The following PLEKHA6 variants were observed in gnomAD, a reference collection of about 807,000 sequenced individuals.
PLEKHA6 encodes pleckstrin homology domain containing A6.
Under a neutral mutation model 116.7 loss-of-function variants are expected in PLEKHA6, and 60 were observed. The ratio of observed to expected loss-of-function variants is 0.51; its 90% CI spans 0.42 to 0.64. The LOEUF is 0.64. Among genes scored for constraint, PLEKHA6 ranks in the 30% least tolerant of loss-of-function variants. PLEKHA6 has a pLI of 0.00. For missense variants in PLEKHA6, 1,338 were observed against 1,422.7 expected, an observed-to-expected ratio of 0.94 and a Z score of 0.96; for synonymous variants, 489 against 556.1, an observed-to-expected ratio of 0.88 and a Z score of 1.70.
rs1659754258 is a variant in PLEKHA6, at chr1:204,222,463, C to G, written c.*325G>C. On this transcript the variant is annotated 3_prime_UTR_variant, in exon 23 of 23. Coordinates refer to ENST00000272203, the MANE Select transcript of PLEKHA6 (RefSeq NM_014935.5). ...TCCACTGGAGTCACCACAACCCCAG[C>G]CAGGGCAAGGCTGAGGCTCCCTGTG... The G allele has an allele frequency of 6.5e-6, 1 of 152,846 alleles. No homozygotes were observed. The highest frequency in any genetic ancestry group is 6.5e-5 in the Admixed American group (1 of 15,290). 9.5% of individuals were successfully genotyped at this position (152,846 alleles called of 1,614,324 possible). A position where few individuals can be genotyped will look rare whatever the true frequency, so the allele number is the denominator to read the frequency against.
rs751576580 is a variant in PLEKHA6, at chr1:204,228,074, C to G, written c.3031+9G>C. The G allele has an allele frequency of 6.2e-7, 1 of 1,610,782 alleles. No individual in the cohort carries two copies. On this transcript the variant is annotated intron_variant, in intron 21 of 22. Coordinates refer to ENST00000272203, the MANE Select transcript of PLEKHA6 (RefSeq NM_014935.5). The surrounding 1 kb of genome is among the most constrained non-coding windows in gnomAD (Gnocchi z 4.0). ...CTGGCAGGGTGGAGCGAGGCCCAGC[C>G]CCTCTCACCAGACAGCATGCGGCCC...
In PLEKHA6 at chr1:204,282,863, C is replaced by A. The variant is rs891444912; in HGVS notation, c.-94-8054G>T. The A allele has an allele frequency of 7.5e-6, 7 of 939,554 alleles. No homozygotes were observed. In the Admixed American group the frequency reaches 2.5e-4, roughly 33 times the overall value. 58.2% of individuals were successfully genotyped at this position (939,554 alleles called of 1,614,324 possible). On this transcript the variant is annotated intron_variant, in intron 1 of 22. Coordinates refer to ENST00000272203, the MANE Select transcript of PLEKHA6 (RefSeq NM_014935.5). ...CTGCCTACAGCTCTGGGTTTTCCTC[C>A]TCTCAGCCTTTCCTCAGTAGCTAAG...
chr1:204,288,379 T>C (rs1669411877), intron 1 of PLEKHA6, among the ~76,000 whole-genome samples: 1 of 152,080 alleles, frequency 6.6e-6, no homozygotes, highest in Non-Finnish European at 1.5e-5. Context: ...CCGCCTCCCA[T>C]GTGGAGAAGG....
rs1455584417 is a variant in PLEKHA6 at position 204,221,332 on chromosome 1, C to T, written c.*1456G>A. 2 of 152,662 alleles carry T rather than the reference C, an allele frequency of 1.3e-5. No homozygotes were observed. The highest frequency in any genetic ancestry group is 2.1e-4 in the South Asian group (1 of 4,830). The allele number at this position is 152,662 out of a possible 1,614,324, so 9.5% of individuals were successfully genotyped here. On this transcript the variant is annotated 3_prime_UTR_variant, in exon 23 of 23. Transcript: ENST00000272203. ...GGGACCGCTGGAAGTCAGGCTGAAG[C>T]CTCTGAGCGGCAACTCTAGCAGAGA...
chr1:204,347,962 C>T (rs2103348226), intron 1 of PLEKHA6, among the ~76,000 whole-genome samples: 1 of 152,280 alleles, frequency 6.6e-6, no homozygotes, highest in Non-Finnish European at 1.5e-5. Context: ...TACCGATTCT[C>T]CTTATCAGAA....
Position 204,261,836 on chromosome 1 carries a change from T to G in PLEKHA6, c.382-388A>C. The G allele has an allele frequency of 3.0e-6, 1 of 333,440 alleles. No homozygotes were observed. 20.7% of individuals were successfully genotyped at this position (333,440 alleles called of 1,614,324 possible). On this transcript the variant is annotated intron_variant, in intron 6 of 22. Transcript: ENST00000272203. The surrounding 1 kb of genome is among the most constrained non-coding windows in gnomAD (Gnocchi z 4.0). Reference sequence around the variant, plus strand: ...TGGGAGAGAGGACCCCCTGAGCACATGCCAATCTTAGCCCCAGCTTCACTG... The same window carrying G: ...TGGGAGAGAGGACCCCCTGAGCACAGGCCAATCTTAGCCCCAGCTTCACTG...
intron 1 of PLEKHA6, among the ~76,000 whole-genome samples, chr1:204,306,404 C>T (rs1363914697): frequency 6.6e-6 from 1 of 152,186 alleles, no homozygotes; most frequent in East Asian, 1.9e-4. Context: ...GCCTTACCCA[C>T]CATCCACCAA....
intron 1 of PLEKHA6, among the ~76,000 whole-genome samples, chr1:204,300,660 T>C (rs1337958402): frequency 6.6e-6 from 1 of 152,216 alleles, no homozygotes; most frequent in Non-Finnish European, 1.5e-5. Flanking sequence ...GTGCCCACCC[T>C]TGAGTTGTCT....
intron 1 of PLEKHA6, among the ~76,000 whole-genome samples, chr1:204,287,582 C>T (rs1669326339): frequency 6.6e-6 from 1 of 152,152 alleles, no homozygotes; most frequent in Admixed American, 6.5e-5. Context: ...CACCCACCCC[C>T]GCCAGGTTCT....
At chr1:204,349,266 C>T (rs1220184512) in intron 1 of PLEKHA6, among the ~76,000 whole-genome samples, 10 of 152,132 alleles carry the variant, frequency 6.6e-5, no homozygotes, top group Admixed American at 3.9e-4. Flanking sequence ...TGGCCGGGTG[C>T]GGTGGCTCAC....
At chr1:204,279,043 C>T (rs1668319234) in intron 1 of PLEKHA6, among the ~76,000 whole-genome samples, 1 of 152,126 alleles carries the variant, frequency 6.6e-6, no homozygotes, top group Non-Finnish European at 1.5e-5. Context: ...CTAGCTCCCC[C>T]TTGAATACAT....
chr1:204,353,078 T>C (rs1673329445), intron 1 of PLEKHA6, among the ~76,000 whole-genome samples: 1 of 152,180 alleles, frequency 6.6e-6, no homozygotes, highest in Admixed American at 6.5e-5. Context: ...CCAAAGCAAA[T>C]GGTAGGGCCA....
At chr1:204,343,825 T>C (rs1034514211) in intron 1 of PLEKHA6, among the ~76,000 whole-genome samples, 2 of 152,168 alleles carry the variant, frequency 1.3e-5, no homozygotes, top group South Asian at 2.1e-4. Context: ...AAGTGAAAGA[T>C]TACTTTCAAG....
At chr1:204,339,186 G>T (rs535308866) in intron 1 of PLEKHA6, among the ~76,000 whole-genome samples, 1 of 152,330 alleles carries the variant, frequency 6.6e-6, no homozygotes, top group African/African-American at 2.4e-5. Flanking sequence ...GCTCCCCGAT[G>T]ACAGCTGGCA....
intron 21 of PLEKHA6, among the ~76,000 whole-genome samples, chr1:204,224,749 CAT>C (rs1250843142): frequency 6.6e-6 from 1 of 152,238 alleles, no homozygotes; most frequent in Non-Finnish European, 1.5e-5. Context: ...TGCCCTTCCA[CAT>C]GACCCAACAC....
chr1:204,292,589 GC>G (rs1203624180), intron 1 of PLEKHA6, among the ~76,000 whole-genome samples: 1 of 151,834 alleles, frequency 6.6e-6, no homozygotes, highest in Non-Finnish European at 1.5e-5. Flanking sequence ...CCTGGCTGAT[GC>G]CCCCCATTTC....
At chr1:204,294,468 G>T (rs1328139228) in intron 1 of PLEKHA6, among the ~76,000 whole-genome samples, 2 of 152,200 alleles carry the variant, frequency 1.3e-5, no homozygotes, top group Non-Finnish European at 2.9e-5. Flanking sequence ...TTAGCCCAAG[G>T]CTACACAGTT....
chr1:204,229,922 C>A (rs11240703), intron 18 of PLEKHA6, among the ~76,000 whole-genome samples: 7 of 152,164 alleles, frequency 4.6e-5, no homozygotes. Flanking sequence ...GACTTTGTTT[C>A]CCCATCTGCA....
At chr1:204,352,005 C>T (rs1448296695) in intron 1 of PLEKHA6, among the ~76,000 whole-genome samples, 6 of 151,966 alleles carry the variant, frequency 3.9e-5, no homozygotes, top group Non-Finnish European at 7.4e-5. Flanking sequence ...ACCTGGCAGG[C>T]GGAGGTTGCA....
Sources: gnomAD v4.1 joint callset for allele counts (sites outside exome capture counted in the v4.1 genomes callset) on GRCh38, gnomAD v4.1.1 for gene constraint, Gnocchi (gnomAD v3.1) non-coding constraint, MANE v1.5 for transcripts, NCBI Gene and HGNC (gene_info 2026-07-23, HGNC 2026-07-21) for gene names.